PDZD9: variants seen among roughly 807,000 people sequenced by gnomAD.
The protein encoded by PDZD9 is PDZ domain containing 9.
A neutral mutation model predicts 16.3 loss-of-function variants in PDZD9; 13 were observed. The observed-to-expected ratio is 0.80, with a 90% CI of 0.52 to 1.27. The LOEUF (loss-of-function observed/expected upper bound fraction) is 1.27. Among genes scored for constraint, PDZD9 ranks in the 50% most tolerant of loss-of-function variants. The probability of loss-of-function intolerance (pLI) is 0.00; values close to 1 mark genes in which losing one functional copy is unlikely to be tolerated. For synonymous variants in PDZD9, 120 were observed against 111.0 expected, an observed-to-expected ratio of 1.08 and a Z score of -0.51; for missense variants, 288 against 310.9, an observed-to-expected ratio of 0.93 and a Z score of 0.55.
chr16:21,971,118 C>G, the PDZD9 span, among the ~76,000 whole-genome samples: 1 of 151,894 alleles, frequency 6.6e-6, no homozygotes, highest in South Asian at 2.1e-4. Context: ...ATGCTAGCGT[C>G]CATTAGGAGG....
chr16:21,984,406 G>A lies in PDZD9; in HGVS notation c.656C>T (p.Pro219Leu). Reference protein sequence around the residue: ...HRDDKKEVRAPSPYWIMVKQD... With the variant: ...HRDDKKEVRALSPYWIMVKQD... The stretch of plus-strand genomic sequence containing the variant: ...CTTCACCATTATCCAGTATGGAGAA[G>A]GGGCCCTCACTTCTTTCTTGTCGTC... Residue 219 changes from proline to leucine, a missense_variant, in exon 4 of 4, where the codon CCT (proline) becomes CTT (leucine). Coordinates refer to ENST00000424898, the MANE Select transcript of PDZD9 (RefSeq NM_001363519.1). The A allele has an allele frequency of 1.2e-6, 2 of 1,614,154 alleles. No individual in the cohort carries two copies. Among genetic ancestry groups the A allele is most frequent in the Non-Finnish European group, 1.7e-6 (2 of 1,180,018 alleles).
chr16:21,979,932 A>G (rs1474266589), downstream of PDZD9, among the ~76,000 whole-genome samples: 1 of 152,196 alleles, frequency 6.6e-6, no homozygotes, highest in Non-Finnish European at 1.5e-5. Flanking sequence ...GGCTAGTGAT[A>G]TGCAGTACAT....
the PDZD9 span, chr16:21,962,993 T>G: frequency 3.0e-6 from 4 of 1,344,058 alleles, no homozygotes; most frequent in Non-Finnish European, 3.9e-6. Flanking sequence ...TTATTTTTAT[T>G]TATTTATTGT....
intron 1 of PDZD9, among the ~76,000 whole-genome samples, chr16:21,997,570 A>G (rs562730566): frequency 1.3e-5 from 2 of 152,332 alleles, no homozygotes; most frequent in Admixed American, 1.3e-4. Context: ...GGCACATGTC[A>G]TGGCAGTGAC....
In PDZD9 at chr16:21,984,580, CTT is replaced by C. The variant is rs1567483659; in HGVS notation, c.480_481del (p.Arg161ThrfsTer5). On this transcript the variant is annotated frameshift_variant, in exon 4 of 4. Coordinates refer to ENST00000424898, the MANE Select transcript of PDZD9 (RefSeq NM_001363519.1). LOFTEE classifies it low-confidence loss of function (END_TRUNC). ...CCACGGATATCTATAATATTGAAGT[CTT>C]TTATCTAAATCTACATTTTCATTAT... 2.6e-6 allele frequency: 4 copies of C among 1,561,090 alleles called. No homozygotes were observed. The highest frequency in any genetic ancestry group is 3.5e-6 in the Non-Finnish European group (4 of 1,149,788).
At chr16:21,981,628 G>A (rs1326743407), downstream of PDZD9, among the ~76,000 whole-genome samples, 3 of 151,702 alleles carry the variant, frequency 2.0e-5, no homozygotes, top group East Asian at 2.0e-4. Flanking sequence ...GGTGGCATGC[G>A]CCTGTAGTCC....
At chr16:21,962,972 A>T in the PDZD9 span, 1 of 1,454,216 alleles carries the variant, frequency 6.9e-7, no homozygotes, top group Non-Finnish European at 9.2e-7. Context: ...TTGCTGTCAA[A>T]ATTTTTATTT....
chr16:21,957,712 A>G, the PDZD9 span: 1 of 1,216,556 alleles, frequency 8.2e-7, no homozygotes, highest in South Asian at 1.5e-5. Flanking sequence ...TAAACCAAAT[A>G]AGTTTATCCT....
At chr16:21,995,323 G>A (rs1394569852) in intron 2 of PDZD9, 2 of 445,066 alleles carry the variant, frequency 4.5e-6, no homozygotes, top group Admixed American at 4.9e-5. Flanking sequence ...AGAACCATGA[G>A]CCAATTAAAC....
At chr16:21,993,706 C>A (rs1899078936) in intron 2 of PDZD9, among the ~76,000 whole-genome samples, 1 of 152,084 alleles carries the variant, frequency 6.6e-6, no homozygotes, top group South Asian at 2.1e-4. Context: ...TAACAGGTAA[C>A]CAGAGTTGCA....
chr16:21,988,049 C>A (rs975715451), intron 3 of PDZD9, among the ~76,000 whole-genome samples: 1 of 133,648 alleles, frequency 7.5e-6, no homozygotes, highest in Non-Finnish European at 1.5e-5. Flanking sequence ...CGCTCTATCT[C>A]CAGGCTGGAG....
downstream of PDZD9, chr16:21,983,122 T>C: frequency 6.2e-7 from 1 of 1,614,184 alleles, no homozygotes; most frequent in Non-Finnish European, 8.5e-7. Flanking sequence ...CAGAAGTCAA[T>C]GGCAGCAAGT....
At chr16:21,980,716 C>T (rs1461075352), downstream of PDZD9, 1 of 1,612,162 alleles carries the variant, frequency 6.2e-7, no homozygotes. Context: ...TAAATGAAAA[C>T]TTAACGATTT....
chr16:21,991,441 G>T (rs1228100250), intron 2 of PDZD9, among the ~76,000 whole-genome samples: 5 of 152,040 alleles, frequency 3.3e-5, no homozygotes, highest in Non-Finnish European at 7.4e-5. Flanking sequence ...GTTTTGTCAT[G>T]TTGCCCCAGC....
chr16:21,983,313 C>G, downstream of PDZD9: 3 of 673,624 alleles, frequency 4.5e-6, no homozygotes, highest in Non-Finnish European at 7.4e-6. Context: ...TAATTATTCC[C>G]AGCTGACCTA....
the PDZD9 span, chr16:21,973,804 GA>G: frequency 8.9e-7 from 1 of 1,129,470 alleles, no homozygotes; most frequent in African/African-American, 1.6e-5. Context: ...TTTATACCGT[GA>G]AGGTCCAAGT....
chr16:21,973,949 T>C, the PDZD9 span: 2 of 1,611,398 alleles, frequency 1.2e-6, no homozygotes, highest in Non-Finnish European at 1.7e-6. Flanking sequence ...GGATTTATAC[T>C]ATCTCCCAGG....
the PDZD9 span, chr16:21,965,429 C>T: frequency 6.8e-6 from 11 of 1,613,780 alleles, 1 homozygote; most frequent in African/African-American, 2.7e-5. Flanking sequence ...AATTTGCATG[C>T]AGCAGCTTAC....
chr16:21,980,638 T>TA, downstream of PDZD9: 1 of 1,614,238 alleles, frequency 6.2e-7, no homozygotes, highest in Non-Finnish European at 8.5e-7. Flanking sequence ...TGCTGGTTCT[T>TA]ACATGCCACC....
Sources: allele counts gnomAD v4.1 joint callset (sites outside exome capture counted in the v4.1 genomes callset), GRCh38; gene constraint gnomAD v4.1.1; transcripts MANE v1.5; gene names NCBI Gene and HGNC (gene_info 2026-07-23, HGNC 2026-07-21).